Variants in ZMYND11 observed in about 807,000 individuals in gnomAD.
ZMYND11 encodes the protein zinc finger MYND domain-containing protein 11.
A neutral mutation model predicts 84.9 loss-of-function variants in ZMYND11; 9 were observed. The observed-to-expected ratio is 0.11, with a 90% CI of 0.06 to 0.18. ZMYND11 has a LOEUF of 0.18. ZMYND11 is among the 10% of genes least tolerant of loss of function. ZMYND11 has a pLI of 1.00. For missense variants in ZMYND11, 409 were observed against 761.0 expected (o/e 0.54, Z 5.44); for synonymous variants, 250 against 244.1 (o/e 1.02, Z -0.23).
Position 252,166 on chromosome 10 carries a change from A to T in ZMYND11, c.1687-182A>T, listed in dbSNP as rs1333749768. On this transcript the variant is annotated intron_variant, in intron 14 of 14. Transcript: ENST00000381604. This position sits in a 1 kb window ranked among gnomAD's most constrained non-coding sequence, Gnocchi z 4.6. ...AGCTTGAGTTTGCTGACAACCAGGC[A>T]TGAGCTGCAGTCATCCCCAGGGCTC... Among the ~76,000 whole-genome samples the T allele has an allele frequency of 6.6e-6, 1 of 152,178 alleles. No homozygotes were observed. The highest frequency in any genetic ancestry group is 1.5e-5 in the Non-Finnish European group (1 of 68,026).
At chr10:231,979 C>T (rs1238382399) in intron 4 of ZMYND11, among the ~76,000 whole-genome samples, 1 of 152,194 alleles carries the variant, frequency 6.6e-6, no homozygotes, top group Non-Finnish European at 1.5e-5. Flanking sequence ...GGATTCTGAC[C>T]TGAACCCTGT....
At chr10:236,024 C>A (rs1374500471) in intron 4 of ZMYND11, among the ~76,000 whole-genome samples, 3 of 152,152 alleles carry the variant, frequency 2.0e-5, no homozygotes, top group Non-Finnish European at 4.4e-5. Flanking sequence ...TACCATTGGG[C>A]AGAGAATCAT....
intron 2 of ZMYND11, among the ~76,000 whole-genome samples, chr10:181,937 T>C (rs1847975888): frequency 6.6e-6 from 1 of 152,228 alleles, no homozygotes; most frequent in Admixed American, 6.5e-5. Context: ...CAGTATTTTC[T>C]TATGGTTGAG....
chr10:201,093 A>G (rs1174346389), intron 2 of ZMYND11, among the ~76,000 whole-genome samples: 1 of 152,004 alleles, frequency 6.6e-6, no homozygotes, highest in African/African-American at 2.4e-5. Context: ...TTAAATTTCT[A>G]TCTCAAATTT....
At chr10:166,755 A>C (rs945481673) in intron 1 of ZMYND11, among the ~76,000 whole-genome samples, 9 of 152,120 alleles carry the variant, frequency 5.9e-5, no homozygotes, top group African/African-American at 1.9e-4. Context: ...ATATGCCCCA[A>C]GGAATTGAAG....
At chr10:209,015 G>A (rs186403358) in intron 2 of ZMYND11, among the ~76,000 whole-genome samples, 18 of 152,084 alleles carry the variant, frequency 1.2e-4, no homozygotes, top group African/African-American at 4.3e-4. Context: ...GTGTGTGTGT[G>A]TGTGTATATA....
At chr10:175,551 A>G (rs1194272593) in intron 1 of ZMYND11, among the ~76,000 whole-genome samples, 1 of 152,206 alleles carries the variant, frequency 6.6e-6, no homozygotes, top group Non-Finnish European at 1.5e-5. Context: ...CCTGGGTGAC[A>G]AGAGCGAAAC....
intron 1 of ZMYND11, among the ~76,000 whole-genome samples, chr10:142,186 C>T (rs1447573871): frequency 1.3e-5 from 2 of 152,266 alleles, no homozygotes; most frequent in East Asian, 1.9e-4. Flanking sequence ...CTGCCACCTC[C>T]ACTTCCTGGG....
rs749165915 is a variant in ZMYND11 at position 242,010 on chromosome 10, T to C, written c.832-11T>C. 6.2e-7 allele frequency: 1 copy of C among 1,613,774 alleles called. No homozygotes were observed. The highest frequency in any genetic ancestry group is 8.5e-7 in the Non-Finnish European group (1 of 1,179,872). On this transcript the variant is annotated splice_polypyrimidine_tract_variant and intron_variant, in intron 9 of 14. Coordinates refer to ENST00000381604, the MANE Select transcript of ZMYND11 (RefSeq NM_001370100.5). ...AAAGTAATATAACAAGGTAAAACAT[T>C]TAATTTCCAGATACCTAATCATGAG... is the stretch of plus-strand genomic sequence containing the variant.
chr10:243,834 C>T (rs531865048), intron 10 of ZMYND11, among the ~76,000 whole-genome samples: 3 of 152,266 alleles, frequency 2.0e-5, no homozygotes, highest in African/African-American at 7.2e-5. Context: ...CACTTCACTC[C>T]AGCCTGGGCG....
At chr10:155,902 A>G (rs372479967) in intron 1 of ZMYND11, among the ~76,000 whole-genome samples, 1 of 152,246 alleles carries the variant, frequency 6.6e-6, no homozygotes, top group Non-Finnish European at 1.5e-5. Flanking sequence ...TTCTAAAAGG[A>G]CAAGGGAATC....
At chr10:148,949 C>T (rs1366460755) in intron 1 of ZMYND11, among the ~76,000 whole-genome samples, 1 of 152,168 alleles carries the variant, frequency 6.6e-6, no homozygotes, top group Non-Finnish European at 1.5e-5. Context: ...TTACCAGATA[C>T]ATTCAAGAAT....
intron 2 of ZMYND11, among the ~76,000 whole-genome samples, chr10:184,082 T>C (rs1280840424): frequency 1.3e-5 from 2 of 152,222 alleles, no homozygotes; most frequent in Non-Finnish European, 2.9e-5. Flanking sequence ...CATTGAACTT[T>C]GTGGCTACTG....
intron 1 of ZMYND11, among the ~76,000 whole-genome samples, chr10:155,836 C>A (rs181807435): frequency 1.2e-3 from 180 of 152,300 alleles, no homozygotes; most frequent in Non-Finnish European, 2.2e-3. Flanking sequence ...CGTTGGGAGA[C>A]TGGCTGTCAT....
intron 2 of ZMYND11, among the ~76,000 whole-genome samples, chr10:181,337 C>T (rs1208605344): frequency 6.6e-6 from 1 of 152,030 alleles, no homozygotes; most frequent in Non-Finnish European, 1.5e-5. Flanking sequence ...GGCTACTTAA[C>T]GATGGGCTCA....
At chr10:242,183 A>C (rs1448349276) in intron 10 of ZMYND11, 44 bp downstream of exon 10, 1 of 1,602,796 alleles carries the variant, frequency 6.2e-7, no homozygotes, top group Non-Finnish European at 8.5e-7. Context: ...TGTGCTTATG[A>C]AGTCCTTAAG....
At chr10:167,861 TAGG>T (rs1231766925) in intron 1 of ZMYND11, among the ~76,000 whole-genome samples, 2 of 152,184 alleles carry the variant, frequency 1.3e-5, no homozygotes, top group African/African-American at 4.8e-5. Flanking sequence ...TTATCATTTT[TAGG>T]AGTACAGTTT....
At chr10:173,207 C>G (rs1554766111) in intron 1 of ZMYND11, among the ~76,000 whole-genome samples, 1 of 152,158 alleles carries the variant, frequency 6.6e-6, no homozygotes, top group Non-Finnish European at 1.5e-5. Flanking sequence ...TTAGGTACAA[C>G]AGCAAAGGCA....
chr10:171,908 A>T (rs1588633629), intron 1 of ZMYND11, among the ~76,000 whole-genome samples: 1 of 152,226 alleles, frequency 6.6e-6, no homozygotes, highest in East Asian at 1.9e-4. Context: ...CTGTAACAAA[A>T]TACCACAGAC....
Sources: gnomAD v4.1 joint callset for allele counts (sites outside exome capture counted in the v4.1 genomes callset) on GRCh38, gnomAD v4.1.1 for gene constraint, Gnocchi (gnomAD v3.1) non-coding constraint, MANE v1.5 for transcripts, NCBI Gene and HGNC (gene_info 2026-07-23, HGNC 2026-07-21) for gene names.